The following MED12L variants were observed in gnomAD, a reference collection of about 807,000 sequenced individuals.
MED12L encodes the protein mediator complex subunit 12L.
MED12L carries 60 observed loss-of-function variants against 281.3 expected under a neutral mutation model. The ratio of observed to expected loss-of-function variants is 0.21; its 90% CI spans 0.17 to 0.26. The LOEUF is 0.26. Among genes scored for constraint, MED12L ranks in the 10% least tolerant of loss-of-function variants. The pLI, the probability that MED12L is intolerant of heterozygous loss-of-function variation, is 1.00. For missense variants in MED12L, 2,146 were observed against 2,680.9 expected, an observed-to-expected ratio of 0.80 and a Z score of 4.41; for synonymous variants, 974 against 987.2, an observed-to-expected ratio of 0.99 and a Z score of 0.25.
chr3:151,273,941 T>C (rs2149574194), intron 16 of MED12L, among the ~76,000 whole-genome samples: 1 of 152,324 alleles, frequency 6.6e-6, no homozygotes, highest in Non-Finnish European at 1.5e-5. Flanking sequence ...AGACAGAGTC[T>C]TTTCTTTTGA....
At chr3:151,149,117 A>G (rs1325099497) in intron 5 of MED12L, among the ~76,000 whole-genome samples, 2 of 152,188 alleles carry the variant, frequency 1.3e-5, no homozygotes, top group Non-Finnish European at 2.9e-5. Context: ...TGGTGTATTG[A>G]TTGAAATCAA....
intron 5 of MED12L, among the ~76,000 whole-genome samples, chr3:151,148,033 G>T (rs958969871): frequency 1.3e-5 from 2 of 152,136 alleles, no homozygotes; most frequent in Non-Finnish European, 2.9e-5. Flanking sequence ...GTCAATACTT[G>T]TTATTATCAG....
chr3:151,318,390 T>C (rs973059292), intron 16 of MED12L, among the ~76,000 whole-genome samples: 2 of 151,862 alleles, frequency 1.3e-5, no homozygotes, highest in African/African-American at 4.8e-5. Flanking sequence ...CAGTTTGTTG[T>C]ATTTTGAGCA....
At chr3:151,329,982 T>C (rs1000193151) in intron 16 of MED12L, among the ~76,000 whole-genome samples, 5 of 152,210 alleles carry the variant, frequency 3.3e-5, no homozygotes, top group Admixed American at 6.5e-5. Context: ...TGACTTAGTC[T>C]TCTGGTTTGG....
At chr3:151,233,675 G>T (rs1395328077) in intron 16 of MED12L, among the ~76,000 whole-genome samples, 1 of 152,240 alleles carries the variant, frequency 6.6e-6, no homozygotes, top group Non-Finnish European at 1.5e-5. Flanking sequence ...GGAGGTTGTG[G>T]TGAGCCGAGA....
intron 6 of MED12L, among the ~76,000 whole-genome samples, chr3:151,157,207 A>T (rs1376360007): frequency 6.6e-6 from 1 of 152,158 alleles, no homozygotes. Context: ...GTTCTGGAAG[A>T]ATTACGTATT....
At chr3:151,254,808 T>A (rs1478892550) in intron 16 of MED12L, among the ~76,000 whole-genome samples, 1 of 152,188 alleles carries the variant, frequency 6.6e-6, no homozygotes, top group Admixed American at 6.5e-5. Flanking sequence ...AGCTTACCAG[T>A]TTTAGGCCTT....
At position 151,122,785 on chromosome 3, in the gene MED12L, T is replaced by C; in HGVS notation, c.207T>C (p.Ile69=). The change falls in exon 4 of 45, where the codon ATT becomes ATC. Residue 69 remains isoleucine (I), a splice_region_variant and synonymous_variant. Coordinates refer to ENST00000687756, the MANE Select transcript of MED12L (RefSeq NM_001393769.1). ...CTTTTTTTCTCTTCTTTCCACAGAT[T>C]GGAGCTTATTTTAGCAGCATATTAG... The part of the protein sequence containing the change: ...ARNIVINPSK[I]GAYFSSILAE... 8 of 1,597,906 alleles carry C rather than the reference T, an allele frequency of 5.0e-6. No homozygotes were observed. Among genetic ancestry groups the C allele is most frequent in the Non-Finnish European group, 6.8e-6 (8 of 1,171,910 alleles).
intron 5 of MED12L, among the ~76,000 whole-genome samples, chr3:151,137,763 T>C (rs915326253): frequency 2.0e-5 from 3 of 152,216 alleles, no homozygotes; most frequent in Non-Finnish European, 4.4e-5. Flanking sequence ...TACAAACATA[T>C]TGGCTTGAGA....
chr3:151,317,875 C>G (rs1184666135), intron 16 of MED12L, among the ~76,000 whole-genome samples: 1 of 151,702 alleles, frequency 6.6e-6, no homozygotes, highest in Non-Finnish European at 1.5e-5. Flanking sequence ...GAATCAAAAC[C>G]TGTTATTGTG....
rs376454271 is a variant in MED12L, at chr3:151,127,961, G to A, written c.533G>A (p.Arg178His). ...ATATCTGAAGCTAAAATTAAGAAACGTCAGGCTCCTGATCCGAATTTGGGT... is the reference window on the plus strand; with the variant it reads ...ATATCTGAAGCTAAAATTAAGAAACATCAGGCTCCTGATCCGAATTTGGGT... ...SAISEAKIKK[R>H]QAPDPNLEWT... The change falls in exon 5 of 45, where the codon CGT becomes CAT. Residue 178 changes from arginine (R) to histidine (H), a missense_variant. Arg to His is a conservative substitution (Grantham distance 29). Transcript: ENST00000687756. The A allele has an allele frequency of 6.2e-7, 1 of 1,612,478 alleles. No individual in the cohort carries two copies. Among genetic ancestry groups the A allele is most frequent in the Non-Finnish European group, 8.5e-7 (1 of 1,179,606 alleles).
intron 43 of MED12L, among the ~76,000 whole-genome samples, chr3:151,422,875 G>T (rs1210944971): frequency 7.1e-6 from 1 of 140,742 alleles, no homozygotes; most frequent in East Asian, 2.1e-4. Flanking sequence ...TTTAGAGTTA[G>T]AATTCAAGTT....
At chr3:151,252,370 A>G (rs4680275) in intron 16 of MED12L, among the ~76,000 whole-genome samples, 119,358 of 152,032 alleles carry the variant, frequency 0.79, 47,166 homozygotes, top group South Asian at 0.88. Flanking sequence ...CATCGCTAAG[A>G]TCTGATTTTT....
rs1377652232 is a variant in MED12L, at chr3:151,328,046, G to T, written c.2251-22013G>T. Reference sequence around the variant, plus strand: ...GCTATGATTTTCTTGGCTTGATGCTGTGGTCTTTCTCCCTTGCATACATGG... The same window carrying T: ...GCTATGATTTTCTTGGCTTGATGCTTTGGTCTTTCTCCCTTGCATACATGG... On this transcript the variant is annotated intron_variant, in intron 16 of 44. Transcript: ENST00000687756. 11 of 1,603,564 alleles carry T rather than the reference G, an allele frequency of 6.9e-6. No homozygotes were observed. The Admixed American group carries it at 1.4e-4, about 20-fold the overall frequency.
chr3:151,163,866 A>G (rs1177729068), intron 8 of MED12L, 27 bp from the exon 9 acceptor site: 3 of 1,602,382 alleles, frequency 1.9e-6, no homozygotes, highest in East Asian at 2.2e-5. Flanking sequence ...TCCTCTGAAC[A>G]TCCAACTTTA....
chr3:151,135,297 G>A (rs1325431985), intron 5 of MED12L, among the ~76,000 whole-genome samples: 2 of 152,204 alleles, frequency 1.3e-5, no homozygotes, highest in African/African-American at 4.8e-5. Flanking sequence ...GATTACAGGC[G>A]TGAGCTACCA....
At chr3:151,230,842 T>A (rs1484300039) in intron 16 of MED12L, among the ~76,000 whole-genome samples, 1 of 152,214 alleles carries the variant, frequency 6.6e-6, no homozygotes, top group Non-Finnish European at 1.5e-5. Context: ...GACTTCCCAC[T>A]GTCAGTGAGC....
At chr3:151,181,800 G>A (rs1200899336) in intron 11 of MED12L, among the ~76,000 whole-genome samples, 2 of 151,944 alleles carry the variant, frequency 1.3e-5, no homozygotes, top group East Asian at 3.9e-4. Flanking sequence ...TGGTCAGGCT[G>A]GTCTTGAACT....
chr3:151,293,312 T>C (rs1462756205), intron 16 of MED12L, among the ~76,000 whole-genome samples: 1 of 152,200 alleles, frequency 6.6e-6, no homozygotes, highest in African/African-American at 2.4e-5. Context: ...GTTTGACTGT[T>C]AACCATAACG....
Sources: gnomAD v4.1 joint callset for allele counts (sites outside exome capture counted in the v4.1 genomes callset) on GRCh38, gnomAD v4.1.1 for gene constraint, MANE v1.5 for transcripts, NCBI Gene and HGNC (gene_info 2026-07-23, HGNC 2026-07-21) for gene names.